XPO5: variants seen among roughly 807,000 people sequenced by gnomAD.
XPO5 encodes the protein exportin-5.
XPO5 carries 46 observed loss-of-function variants against 160.6 expected under a neutral mutation model. The ratio of observed to expected loss-of-function variants is 0.29; its 90% confidence interval spans 0.23 to 0.37. The LOEUF (loss-of-function observed/expected upper bound fraction) is 0.37, where lower values mean the gene tolerates loss of function less well. Ranked by LOEUF, XPO5 falls within the 10% of genes least tolerant of loss-of-function variation. The pLI is 1.00. For missense variants in XPO5, 1,090 were observed against 1,463.9 expected, an observed-to-expected ratio of 0.74 and a Z score of 4.17; for synonymous variants, 537 against 519.3, an observed-to-expected ratio of 1.03 and a Z score of -0.46.
intron 8 of XPO5, among the ~76,000 whole-genome samples, chr6:43,564,075 C>A (rs915255807): frequency 1.3e-5 from 2 of 152,130 alleles, no homozygotes; most frequent in Non-Finnish European, 2.9e-5. Context: ...ACATGCACCA[C>A]CACGCCCGGC....
intron 23 of XPO5, chr6:43,529,385 A>G (rs1159323101): frequency 5.4e-6 from 2 of 370,102 alleles, no homozygotes; most frequent in East Asian, 1.7e-4. Context: ...TACTAAAAAA[A>G]AAAAAAAAAA....
At position 43,549,873 on chromosome 6, in the gene XPO5, G is replaced by T; in HGVS notation, c.1770+20C>A. 1 of 1,600,978 alleles carries T rather than the reference G, an allele frequency of 6.2e-7. No homozygotes were observed. On this transcript the variant is annotated intron_variant, in intron 16 of 31. Coordinates refer to ENST00000265351, the MANE Select transcript of XPO5 (RefSeq NM_020750.3). ...TGTACTCAAGAAGTTAGAATCTATT[G>T]GTTTAATTAATGGTCTTACCTTACT...
At chr6:43,551,149 A>G in intron 15 of XPO5, 149 bp downstream of exon 15, 1 of 731,514 alleles carries the variant, frequency 1.4e-6, no homozygotes, top group Non-Finnish European at 2.0e-6. Context: ...TCAGCTACTC[A>G]GAAGGGTGAG....
intron 6 of XPO5, among the ~76,000 whole-genome samples, chr6:43,567,659 A>G (rs1762762778): frequency 6.6e-6 from 1 of 151,734 alleles, no homozygotes; most frequent in Non-Finnish European, 1.5e-5. Flanking sequence ...TTGGGAGGCC[A>G]AGGTGGGTGA....
At chr6:43,564,122 A>C (rs1277375485) in intron 8 of XPO5, among the ~76,000 whole-genome samples, 1 of 152,068 alleles carries the variant, frequency 6.6e-6, no homozygotes. Flanking sequence ...GGGTTTCACC[A>C]TGTTGGCCAG....
At chr6:43,572,347 A>C (rs531601101) in intron 3 of XPO5, among the ~76,000 whole-genome samples, 159 bp downstream of exon 3, 2 of 152,358 alleles carry the variant, frequency 1.3e-5, no homozygotes, top group South Asian at 2.1e-4. Context: ...AAAGCGCTAG[A>C]ATTACAGGTG....
intron 20 of XPO5, among the ~76,000 whole-genome samples, chr6:43,535,982 G>A (rs2127713641): frequency 6.6e-6 from 1 of 151,052 alleles, no homozygotes; most frequent in South Asian, 2.1e-4. Flanking sequence ...AATTAGACGA[G>A]TATGGCGGTG....
chr6:43,573,009 G>A (rs1763088327), intron 2 of XPO5, among the ~76,000 whole-genome samples: 1 of 152,182 alleles, frequency 6.6e-6, no homozygotes, highest in Admixed American at 6.5e-5. Context: ...TCTTCTGATA[G>A]GTGTTGAGGG....
chr6:43,551,576 G>A (rs1795230969), intron 14 of XPO5, 123 bp from the exon 15 acceptor site: 6 of 1,137,364 alleles, frequency 5.3e-6, no homozygotes, highest in Non-Finnish European at 6.3e-6. Context: ...AGGCTGGAGT[G>A]CACAGTGGCA....
chr6:43,528,556 A>G (rs1793743818), intron 24 of XPO5, among the ~76,000 whole-genome samples: 1 of 152,166 alleles, frequency 6.6e-6, no homozygotes, highest in African/African-American at 2.4e-5. Context: ...AGGGTCTGTG[A>G]GCAAGCATTC....
intron 23 of XPO5, among the ~76,000 whole-genome samples, 168 bp downstream of exon 23, chr6:43,530,520 T>G (rs868040884): frequency 6.6e-6 from 1 of 152,206 alleles, no homozygotes; most frequent in Non-Finnish European, 1.5e-5. Context: ...ACTGCCTTCA[T>G]GTTTTCCCTG....
chr6:43,554,870 T>C (rs1038014821), intron 13 of XPO5: 1 of 152,110 alleles, frequency 6.6e-6, no homozygotes, highest in African/African-American at 2.4e-5. Flanking sequence ...AGCTGAATGT[T>C]AAGTCCCTCA....
chr6:43,575,761 T>A lies in XPO5; in HGVS notation c.104A>T (p.Lys35Met). The A allele has an allele frequency of 1.2e-6, 2 of 1,612,808 alleles. No individual in the cohort carries two copies. ...STQRYRLEALKFCEEFKEKCP... is the reference protein window; with the variant it reads ...STQRYRLEALMFCEEFKEKCP... The stretch of plus-strand genomic sequence containing the variant: ...CCAGGACGCCAGGACCCCAGCTACC[T>A]TGAGGGCTTCCAGCCGGTAGCGCTG... The change falls in exon 1 of 32, where the codon AAG (lysine) becomes ATG (methionine). Residue 35 changes from lysine (K) to methionine (M), a missense_variant and splice_region_variant. This residue lies in a region of XPO5 where 170 missense variants were observed against 227.0 expected (regional missense o/e 0.75). Coordinates refer to ENST00000265351, the MANE Select transcript of XPO5 (RefSeq NM_020750.3).
intron 12 of XPO5, among the ~76,000 whole-genome samples, chr6:43,556,742 T>C (rs562641394): frequency 1.1e-3 from 170 of 152,294 alleles, no homozygotes; most frequent in African/African-American, 3.6e-3. Context: ...GCATTATTTG[T>C]AATAGCCAAA....
chr6:43,570,851 T>C lies in XPO5; in HGVS notation c.438+6A>G. Reference sequence around the variant, plus strand: ...TATACCAAACTGATATAGCTGTGTTTCATACCCCTTGTTTGGAAAGAGTGT... The same window carrying C: ...TATACCAAACTGATATAGCTGTGTTCCATACCCCTTGTTTGGAAAGAGTGT... On this transcript the variant is annotated splice_donor_region_variant and intron_variant, in intron 4 of 31. Transcript: ENST00000265351. The C allele has an allele frequency of 1.9e-6, 3 of 1,608,558 alleles. No individual in the cohort carries two copies. Among genetic ancestry groups the C allele is most frequent in the Non-Finnish European group, 2.5e-6 (3 of 1,178,098 alleles).
intron 30 of XPO5, 33 bp downstream of exon 30, chr6:43,524,798 C>T (rs1461441925): frequency 6.2e-7 from 1 of 1,610,954 alleles, no homozygotes; most frequent in Admixed American, 1.7e-5. Flanking sequence ...GATGAAGCTG[C>T]AGCCATCCTT....
chr6:43,545,622 G>A (rs539261158), intron 20 of XPO5, among the ~76,000 whole-genome samples: 170 of 152,104 alleles, frequency 1.1e-3, no homozygotes, highest in Non-Finnish European at 1.7e-3. Context: ...CAGAAGAATC[G>A]CTTAAGCCTG....
intron 21 of XPO5, 21 bp from the exon 22 acceptor site, chr6:43,531,596 A>G: frequency 6.3e-7 from 1 of 1,593,404 alleles, no homozygotes. Context: ...ATACGGGTCA[A>G]GAACATGATG....
chr6:43,562,562 A>G, intron 8 of XPO5: 1 of 510,292 alleles, frequency 2.0e-6, no homozygotes, highest in Non-Finnish European at 3.5e-6. Flanking sequence ...ACAAACAGCA[A>G]TTAATAACTA....
Sources: allele counts gnomAD v4.1 joint callset (sites outside exome capture counted in the v4.1 genomes callset), GRCh38; gene constraint gnomAD v4.1.1; regional missense constraint gnomAD v4.1.1; transcripts MANE v1.5; gene names NCBI Gene and HGNC (gene_info 2026-07-23, HGNC 2026-07-21).